SEMA6A: variants seen among roughly 807,000 people sequenced by gnomAD.
SEMA6A encodes the protein semaphorin 6A, also known as semaphorin-6A.
In SEMA6A, 25 loss-of-function variants were observed where a neutral mutation model predicts 96.8. The observed-to-expected ratio is 0.26, with a 90% confidence interval of 0.19 to 0.36. The LOEUF is 0.36. Ranked by LOEUF, SEMA6A falls within the 10% of genes least tolerant of loss-of-function variation. The probability of loss-of-function intolerance (pLI) is 1.00; values close to 1 mark genes in which losing one functional copy is unlikely to be tolerated. For missense variants in SEMA6A, 1,363 were observed against 1,323.1 expected (o/e 1.03, Z -0.47); for synonymous variants, 612 against 518.0 (o/e 1.18, Z -2.46).
intron 1 of SEMA6A, among the ~76,000 whole-genome samples, chr5:116,530,955 C>T (rs77639998): frequency 0.09 from 13,664 of 152,156 alleles, 956 homozygotes; most frequent in African/African-American, 0.19. Flanking sequence ...TAGATATATG[C>T]CATTATTATC....
chr5:116,569,213 G>T (rs925517880), intron 1 of SEMA6A, among the ~76,000 whole-genome samples: 1 of 152,076 alleles, frequency 6.6e-6, no homozygotes, highest in Non-Finnish European at 1.5e-5. Flanking sequence ...GTAAATAAGG[G>T]GATCAAAAGG....
Position 116,446,607 on chromosome 5 carries a change from CT to C in SEMA6A, c.*5del, listed in dbSNP as rs148986281. 379 of 1,473,322 alleles carry C rather than the reference CT, an allele frequency of 2.6e-4. 1 individual carries two copies. The East Asian group carries it at 9.0e-3, about 35-fold the overall frequency. The allele number at this position is 1,473,322 out of a possible 1,614,324, so 91.3% of individuals were successfully genotyped here. A position where few individuals can be genotyped will look rare whatever the true frequency, so the allele number is the denominator to read the frequency against. On this transcript the variant is annotated 3_prime_UTR_variant, in exon 19 of 19. Coordinates refer to ENST00000343348, the MANE Select transcript of SEMA6A (RefSeq NM_020796.5). ...TGGTTCGACACCTGACCCCCTCCCC[CT>C]GGGATTATGTACACGCATCATTGGG... is the stretch of plus-strand genomic sequence containing the variant.
intron 1 of SEMA6A, among the ~76,000 whole-genome samples, chr5:116,545,431 G>A (rs879778414): frequency 7.2e-5 from 11 of 152,030 alleles, no homozygotes; most frequent in African/African-American, 1.2e-4. Context: ...TTACCCAGGC[G>A]TGGTGGCAGG....
intron 1 of SEMA6A, among the ~76,000 whole-genome samples, chr5:116,547,260 A>G (rs1365161579): frequency 6.6e-6 from 1 of 152,238 alleles, no homozygotes; most frequent in Non-Finnish European, 1.5e-5. Flanking sequence ...ATGTTGCTGA[A>G]ATATCTCATA....
intron 1 of SEMA6A, among the ~76,000 whole-genome samples, chr5:116,513,139 T>TTC (rs144134705): frequency 2.0e-5 from 3 of 151,586 alleles, no homozygotes; most frequent in African/African-American, 7.3e-5. Context: ...TTTTTTTTTT[T>TTC]CCCCCGCGAC....
intron 4 of SEMA6A, among the ~76,000 whole-genome samples, chr5:116,496,822 T>C (rs763132335): frequency 5.3e-5 from 8 of 152,240 alleles, no homozygotes; most frequent in Non-Finnish European, 8.8e-5. Flanking sequence ...AGGGATCTTC[T>C]ACTCCTATGG....
Position 116,497,374 on chromosome 5 carries a change from T to C in SEMA6A, c.232A>G (p.Thr78Ala). ...GTGTGTGATGTGTCTATATCAACAG[T>C]ATAAATATGGTCCCTATAGGCAAAG... ...LYIAARDHIY[T>A]VDIDTSHTEE... Residue 78 changes from threonine (T) to alanine (A), a missense_variant, in exon 4 of 19, where the codon ACT (threonine) becomes GCT (alanine). Coordinates refer to ENST00000343348, the MANE Select transcript of SEMA6A (RefSeq NM_020796.5). 2 of 1,597,148 alleles carry C rather than the reference T, an allele frequency of 1.3e-6. No individual in the cohort carries two copies. Among genetic ancestry groups the C allele is most frequent in the Non-Finnish European group, 1.7e-6 (2 of 1,166,100 alleles).
At chr5:116,534,592 T>A (rs1033048583) in intron 1 of SEMA6A, among the ~76,000 whole-genome samples, 3 of 152,218 alleles carry the variant, frequency 2.0e-5, no homozygotes, top group Non-Finnish European at 2.9e-5. Context: ...CAAATCATCA[T>A]CTATGTGGGT....
intron 18 of SEMA6A, among the ~76,000 whole-genome samples, chr5:116,466,744 G>C (rs761326153): frequency 3.3e-5 from 5 of 152,116 alleles, no homozygotes; most frequent in Non-Finnish European, 5.9e-5. Flanking sequence ...ACATATAGAA[G>C]TAAACAATTC....
intron 1 of SEMA6A, among the ~76,000 whole-genome samples, chr5:116,538,718 C>T (rs548545849): frequency 1.4e-4 from 22 of 152,166 alleles, no homozygotes; most frequent in African/African-American, 5.3e-4. Flanking sequence ...TAATACATGG[C>T]AACCTTCTAA....
intron 11 of SEMA6A, 91 bp downstream of exon 11, chr5:116,482,353 C>T: frequency 2.2e-6 from 3 of 1,384,122 alleles, no homozygotes; most frequent in South Asian, 1.4e-5. Flanking sequence ...ATGGAAGGCA[C>T]TGGTGCGCAG....
chr5:116,472,898 G>T, intron 17 of SEMA6A, 175 bp downstream of exon 17: 1 of 1,511,488 alleles, frequency 6.6e-7, no homozygotes, highest in Non-Finnish European at 8.8e-7. Context: ...ACACTGTGTT[G>T]TAAGACATTT....
intron 11 of SEMA6A, among the ~76,000 whole-genome samples, chr5:116,480,806 T>G (rs1398882307): frequency 6.6e-6 from 1 of 151,120 alleles, no homozygotes; most frequent in Non-Finnish European, 1.5e-5. Context: ...TGTTTCTTAT[T>G]GTTGTTTTTA....
At chr5:116,519,661 G>A (rs1176990420) in intron 1 of SEMA6A, among the ~76,000 whole-genome samples, 1 of 130,822 alleles carries the variant, frequency 7.6e-6, no homozygotes, top group East Asian at 2.0e-4. Context: ...ACGATGCTGT[G>A]TGTACACACA....
At chr5:116,481,499 C>T (rs1756768406) in intron 11 of SEMA6A, among the ~76,000 whole-genome samples, 1 of 152,016 alleles carries the variant, frequency 6.6e-6, no homozygotes, top group East Asian at 1.9e-4. Flanking sequence ...TTAAGTGGTT[C>T]GTATTATCTA....
At chr5:116,494,365 A>T (rs111758738) in intron 6 of SEMA6A, among the ~76,000 whole-genome samples, 1 of 152,194 alleles carries the variant, frequency 6.6e-6, no homozygotes, top group African/African-American at 2.4e-5. Flanking sequence ...TGCTTTACAA[A>T]AATTAATTAA....
intron 3 of SEMA6A, among the ~76,000 whole-genome samples, chr5:116,499,535 T>C (rs1266062228): frequency 6.6e-6 from 1 of 152,150 alleles, no homozygotes; most frequent in African/African-American, 2.4e-5. Context: ...GAATTAAAGT[T>C]GGAAGTGTAA....
At chr5:116,454,317 T>G (rs1442996321) in intron 18 of SEMA6A, among the ~76,000 whole-genome samples, 1 of 152,168 alleles carries the variant, frequency 6.6e-6, no homozygotes, top group Non-Finnish European at 1.5e-5. Flanking sequence ...CCCCTAAAAA[T>G]AGATTCTTGA....
intron 8 of SEMA6A, among the ~76,000 whole-genome samples, chr5:116,488,655 A>G (rs1330817049): frequency 6.6e-6 from 1 of 152,212 alleles, no homozygotes; most frequent in Non-Finnish European, 1.5e-5. Context: ...CATGAATGTA[A>G]TGTATTCTAT....
Sources: allele counts gnomAD v4.1 joint callset (sites outside exome capture counted in the v4.1 genomes callset), GRCh38; gene constraint gnomAD v4.1.1; transcripts MANE v1.5; gene names NCBI Gene and HGNC (gene_info 2026-07-23, HGNC 2026-07-21).